ZFPM2: variants seen among roughly 807,000 people sequenced by gnomAD.
ZFPM2 encodes zinc finger protein, FOG family member 2.
Under a neutral mutation model 98.6 loss-of-function variants are expected in ZFPM2, and 20 were observed. That is an observed-to-expected ratio of 0.20 (90% CI 0.14 to 0.29). ZFPM2 has a LOEUF of 0.29. Among genes scored for constraint, ZFPM2 ranks in the 10% least tolerant of loss-of-function variants. ZFPM2 has a pLI of 1.00. For missense variants in ZFPM2, 1,310 were observed against 1,388.6 expected (o/e 0.94, Z 0.90); for synonymous variants, 518 against 502.7 (o/e 1.03, Z -0.41).
chr8:105,515,538 C>G (rs1404025310), intron 3 of ZFPM2, among the ~76,000 whole-genome samples: 1 of 152,090 alleles, frequency 6.6e-6, no homozygotes, highest in Admixed American at 6.5e-5. Context: ...ATTCCTAGGC[C>G]AAGATCTTTA....
chr8:105,338,504 T>C (rs542678274), intron 1 of ZFPM2, among the ~76,000 whole-genome samples: 1 of 151,880 alleles, frequency 6.6e-6, no homozygotes, highest in African/African-American at 2.4e-5. Flanking sequence ...ATTTAAAATA[T>C]AGTAATGGGT....
At chr8:105,380,803 T>A (rs374234486) in intron 1 of ZFPM2, among the ~76,000 whole-genome samples, 2 of 65,374 alleles carry the variant, frequency 3.1e-5, no homozygotes, top group Admixed American at 2.6e-4. Context: ...ATTATATATG[T>A]TATATATAAT....
At chr8:105,361,294 A>G (rs113054391) in intron 1 of ZFPM2, among the ~76,000 whole-genome samples, 16 of 147,380 alleles carry the variant, frequency 1.1e-4, no homozygotes, top group South Asian at 4.5e-4. Flanking sequence ...GTCTGTTCAT[A>G]TCCTTTGCCC....
intron 2 of ZFPM2, among the ~76,000 whole-genome samples, chr8:105,433,094 GA>G (rs914824275): frequency 1.2e-4 from 17 of 147,722 alleles, no homozygotes; most frequent in Admixed American, 3.4e-4. Context: ...TGACTCAAAA[GA>G]AAAAAAAAAT....
At chr8:105,682,967 G>A (rs1194786138) in intron 5 of ZFPM2, among the ~76,000 whole-genome samples, 1 of 152,080 alleles carries the variant, frequency 6.6e-6, no homozygotes, top group Non-Finnish European at 1.5e-5. Flanking sequence ...ATTTCTTACA[G>A]TTCTGGAGGC....
At chr8:105,722,228 CTT>C (rs1304146777) in intron 5 of ZFPM2, among the ~76,000 whole-genome samples, 1 of 151,860 alleles carries the variant, frequency 6.6e-6, no homozygotes, top group East Asian at 2.0e-4. Context: ...CTGCTTCCTG[CTT>C]ATAAAGAATA....
chr8:105,388,342 TGGG>T (rs1811042717), intron 1 of ZFPM2, among the ~76,000 whole-genome samples: 1 of 150,080 alleles, frequency 6.7e-6, no homozygotes, highest in Non-Finnish European at 1.5e-5. Flanking sequence ...GAGATGGGGT[TGGG>T]GGAGGGAGAG....
At chr8:105,344,734 A>G (rs1449324143) in intron 1 of ZFPM2, among the ~76,000 whole-genome samples, 5 of 152,052 alleles carry the variant, frequency 3.3e-5, no homozygotes, top group Non-Finnish European at 7.4e-5. Context: ...ATATGCTATG[A>G]TTCTAAATAC....
chr8:105,799,059 C>T (rs1031652370), intron 7 of ZFPM2, 111 bp downstream of exon 7: 2 of 1,011,016 alleles, frequency 2.0e-6, no homozygotes, highest in Admixed American at 5.4e-5. Flanking sequence ...CTATCTATAA[C>T]ATCAAAATCA....
At chr8:105,513,976 G>T (rs1424533329) in intron 3 of ZFPM2, among the ~76,000 whole-genome samples, 2 of 149,696 alleles carry the variant, frequency 1.3e-5, no homozygotes, top group East Asian at 3.9e-4. Flanking sequence ...TACTCACAAA[G>T]ATTTGAAATT....
chr8:105,645,782 G>A (rs1817030194), intron 5 of ZFPM2, among the ~76,000 whole-genome samples: 1 of 152,146 alleles, frequency 6.6e-6, no homozygotes, highest in Non-Finnish European at 1.5e-5. Flanking sequence ...GGCCGGGCAT[G>A]GTGGCTTATG....
chr8:105,709,485 A>C (rs1563531091), intron 5 of ZFPM2, among the ~76,000 whole-genome samples: 1 of 152,092 alleles, frequency 6.6e-6, no homozygotes. Flanking sequence ...TTCACCAGAG[A>C]TATCTTAGCT....
chr8:105,342,235 A>G (rs1298676109), intron 1 of ZFPM2, among the ~76,000 whole-genome samples: 1 of 152,056 alleles, frequency 6.6e-6, no homozygotes, highest in African/African-American at 2.4e-5. Context: ...GTTGGTTATA[A>G]TGTCAAAATC....
At chr8:105,612,602 C>T (rs568396924) in intron 4 of ZFPM2, among the ~76,000 whole-genome samples, 1 of 152,108 alleles carries the variant, frequency 6.6e-6, no homozygotes, top group Non-Finnish European at 1.5e-5. Context: ...CTAACATTAA[C>T]AACATAATAA....
At position 105,532,082 on chromosome 8, in the gene ZFPM2, T is replaced by G. The variant is rs1407289129; in HGVS notation, c.302-29281T>G. Among the ~76,000 whole-genome samples, 6 of 152,018 alleles carry G rather than the reference T, an allele frequency of 3.9e-5. No homozygotes were observed. The East Asian group carries it at 1.2e-3, about 29-fold the overall frequency. The stretch of plus-strand genomic sequence containing the variant: ...CACCTGGCTAATTTTTCTATTTTTT[T>G]GTAGAGACAGGGTTTAGCCATGTTG... On this transcript the variant is annotated intron_variant, in intron 3 of 7. Transcript: ENST00000407775.
intron 5 of ZFPM2, among the ~76,000 whole-genome samples, chr8:105,698,443 A>G (rs1811069483): frequency 6.6e-6 from 1 of 152,230 alleles, no homozygotes; most frequent in Admixed American, 6.5e-5. Context: ...TCTTAAATTC[A>G]TGTATCATTT....
intron 2 of ZFPM2, among the ~76,000 whole-genome samples, chr8:105,421,245 T>G (rs1359359630): frequency 1.3e-5 from 2 of 152,020 alleles, no homozygotes; most frequent in African/African-American, 4.8e-5. Flanking sequence ...TTATTATTAA[T>G]TTTTTTATAA....
chr8:105,704,111 CTA>C (rs1240053153), intron 5 of ZFPM2, among the ~76,000 whole-genome samples: 48 of 3,352 alleles, frequency 0.014, 1 homozygote, highest in African/African-American at 0.04. Context: ...AAACACCAAG[CTA>C]TCTCTCTCTC....
At chr8:105,560,306 T>C (rs1586463352) in intron 3 of ZFPM2, among the ~76,000 whole-genome samples, 1 of 152,292 alleles carries the variant, frequency 6.6e-6, no homozygotes. Context: ...GCCATAGTTT[T>C]GCACCAACCT....
Sources: allele counts gnomAD v4.1 joint callset (sites outside exome capture counted in the v4.1 genomes callset), GRCh38; gene constraint gnomAD v4.1.1; transcripts MANE v1.5; gene names NCBI Gene and HGNC (gene_info 2026-07-23, HGNC 2026-07-21).